FSTL4: variants seen among roughly 807,000 people sequenced by gnomAD.
FSTL4 encodes the protein follistatin-related protein 4.
Under a neutral mutation model 78.2 loss-of-function variants are expected in FSTL4, and 28 were observed. The ratio of observed to expected loss-of-function variants is 0.36; its 90% CI spans 0.27 to 0.49. The LOEUF is 0.49. FSTL4 is among the 20% of genes least tolerant of loss of function. The pLI, the probability that FSTL4 is intolerant of heterozygous loss-of-function variation, is 0.98. For synonymous variants in FSTL4, 422 were observed against 440.5 expected (o/e 0.96, Z 0.53); for missense variants, 922 against 1,084.9 (o/e 0.85, Z 2.11).
chr5:133,723,995 G>A, the FSTL4 span, among the ~76,000 whole-genome samples: 1 of 152,228 alleles, frequency 6.6e-6, no homozygotes, highest in African/African-American at 2.4e-5. Context: ...CAGCAAAATT[G>A]GGCAGGCTGT....
At chr5:133,394,812 C>T (rs1233893414) in intron 4 of FSTL4, among the ~76,000 whole-genome samples, 7 of 152,222 alleles carry the variant, frequency 4.6e-5, no homozygotes, top group Non-Finnish European at 5.9e-5. Flanking sequence ...CAGCTGGGCT[C>T]CTGAGTCTAG....
chr5:133,809,663 T>C, the FSTL4 span, among the ~76,000 whole-genome samples: 2 of 150,986 alleles, frequency 1.3e-5, no homozygotes, highest in Non-Finnish European at 2.9e-5. Context: ...CAAACTACCA[T>C]GTGGCCAGAT....
At chr5:133,543,369 T>C (rs1759514995) in intron 3 of FSTL4, among the ~76,000 whole-genome samples, 1 of 152,194 alleles carries the variant, frequency 6.6e-6, no homozygotes, top group Admixed American at 6.5e-5. Context: ...TCTCTTCTAA[T>C]GGAATTATTT....
At chr5:133,421,353 C>G (rs1404457423) in intron 3 of FSTL4, among the ~76,000 whole-genome samples, 5 of 152,220 alleles carry the variant, frequency 3.3e-5, no homozygotes, top group Admixed American at 1.3e-4. Flanking sequence ...AAAGGAAACC[C>G]CTAGCTGAGG....
chr5:133,560,639 C>T (rs1366361410), intron 3 of FSTL4, among the ~76,000 whole-genome samples: 1 of 149,818 alleles, frequency 6.7e-6, no homozygotes, highest in African/African-American at 2.4e-5. Context: ...GCTGGGATTA[C>T]AGGCGTGAGC....
the FSTL4 span, among the ~76,000 whole-genome samples, chr5:133,814,627 T>C: frequency 6.6e-6 from 1 of 152,000 alleles, no homozygotes; most frequent in Non-Finnish European, 1.5e-5. Context: ...CACAAAAAAA[T>C]AAGGGCCAGA....
At chr5:133,754,899 A>C in the FSTL4 span, among the ~76,000 whole-genome samples, 3 of 152,054 alleles carry the variant, frequency 2.0e-5, no homozygotes, top group Non-Finnish European at 4.4e-5. Context: ...CCTGAAGTCA[A>C]ACTGGATTAT....
the FSTL4 span, among the ~76,000 whole-genome samples, chr5:133,832,327 C>G: frequency 6.6e-6 from 1 of 152,156 alleles, no homozygotes; most frequent in African/African-American, 2.4e-5. Context: ...CTCAGGAGAA[C>G]TAGAATTGAT....
At chr5:133,668,712 C>T in the FSTL4 span, among the ~76,000 whole-genome samples, 1 of 152,164 alleles carries the variant, frequency 6.6e-6, no homozygotes, top group African/African-American at 2.4e-5. Context: ...AGCTCTGATG[C>T]TTGCCTGGAT....
Position 133,199,829 on chromosome 5 carries a change from C to A in FSTL4, c.1827-32G>T. 8.1e-7 allele frequency: 1 copy of A among 1,240,336 alleles called. No individual in the cohort carries two copies. Among genetic ancestry groups the A allele is most frequent in the South Asian group, 1.4e-5 (1 of 72,654 alleles). 76.8% of individuals were successfully genotyped at this position (1,240,336 alleles called of 1,614,324 possible). On this transcript the variant is annotated intron_variant, in intron 15 of 15. Transcript: ENST00000265342. This position sits in a 1 kb window ranked among gnomAD's most constrained non-coding sequence, Gnocchi z 4.4. ...GGGGAAGAACTGAGGTCAGAAGTTG[C>A]CTCCAGGGGTGGGGAATCTGTCATT...
chr5:133,436,253 T>C (rs918868691), intron 3 of FSTL4, among the ~76,000 whole-genome samples: 2 of 152,214 alleles, frequency 1.3e-5, no homozygotes, highest in Admixed American at 1.3e-4. Flanking sequence ...CAATTTAGTT[T>C]GGTGGAATTG....
the FSTL4 span, among the ~76,000 whole-genome samples, chr5:133,646,359 T>C: frequency 2.6e-5 from 4 of 152,018 alleles, no homozygotes; most frequent in African/African-American, 4.8e-5. Flanking sequence ...AGAAGTCTAG[T>C]ATAGTTGGAA....
At position 133,210,305 on chromosome 5, in the gene FSTL4, A is replaced by C. The variant is rs1750665189; in HGVS notation, c.1609-7T>G. On this transcript the variant is annotated splice_polypyrimidine_tract_variant and splice_region_variant and intron_variant, in intron 13 of 15. Transcript: ENST00000265342. ...GAGGGTCCACACCTATGGACTTGAA[A>C]AAAAATAGTGACATGTTGTGAAAGC... 6.7e-7 allele frequency: 1 copy of C among 1,497,712 alleles called. No homozygotes were observed. Among genetic ancestry groups the C allele is most frequent in the African/African-American group, 1.4e-5 (1 of 72,704 alleles). 92.8% of individuals were successfully genotyped at this position (1,497,712 alleles called of 1,614,324 possible).
chr5:133,624,653 C>G, the FSTL4 span, among the ~76,000 whole-genome samples: 16 of 151,788 alleles, frequency 1.1e-4, no homozygotes, highest in African/African-American at 3.4e-4. Context: ...GTTCTCTATT[C>G]TGTTCCACTG....
chr5:133,669,564 A>T, the FSTL4 span, among the ~76,000 whole-genome samples: 1 of 152,234 alleles, frequency 6.6e-6, no homozygotes, highest in Non-Finnish European at 1.5e-5. Flanking sequence ...TGGCAGCACC[A>T]GCCTGTGGTG....
chr5:133,578,317 G>A (rs1474085324), intron 2 of FSTL4, among the ~76,000 whole-genome samples: 1 of 152,238 alleles, frequency 6.6e-6, no homozygotes, highest in Non-Finnish European at 1.5e-5. Context: ...GATTGTTTCA[G>A]TAGCTGCTCC....
chr5:133,601,402 C>G (rs747726358), intron 2 of FSTL4, among the ~76,000 whole-genome samples: 29 of 152,080 alleles, frequency 1.9e-4, no homozygotes, highest in Non-Finnish European at 3.5e-4. Context: ...ACTAAGAATT[C>G]AGAAAAAGAG....
intron 2 of FSTL4, among the ~76,000 whole-genome samples, chr5:133,602,708 G>C (rs1224684868): frequency 6.6e-6 from 1 of 152,170 alleles, no homozygotes; most frequent in Non-Finnish European, 1.5e-5. Context: ...TTAGACGGCA[G>C]AGATAGCGTT....
At chr5:133,606,070 A>G (rs1746476164) in intron 1 of FSTL4, among the ~76,000 whole-genome samples, 1 of 152,220 alleles carries the variant, frequency 6.6e-6, no homozygotes, top group African/African-American at 2.4e-5. Context: ...GCAGGAAAAG[A>G]AAATCATATT....
Sources: gnomAD v4.1 joint callset for allele counts (sites outside exome capture counted in the v4.1 genomes callset) on GRCh38, gnomAD v4.1.1 for gene constraint, Gnocchi (gnomAD v3.1) non-coding constraint, MANE v1.5 for transcripts, NCBI Gene and HGNC (gene_info 2026-07-23, HGNC 2026-07-21) for gene names.